The following SORCS1 variants were observed in gnomAD, a reference collection of about 807,000 sequenced individuals.
The protein encoded by SORCS1 is sortilin related VPS10 domain containing receptor 1.
Under a neutral mutation model 146.1 loss-of-function variants are expected in SORCS1, and 60 were observed. That is an observed-to-expected ratio of 0.41 (90% CI 0.33 to 0.51). SORCS1 has a LOEUF of 0.51. Ranked by LOEUF, SORCS1 falls within the 20% of genes least tolerant of loss-of-function variation. SORCS1 has a pLI of 0.21. For missense variants in SORCS1, 1,352 were observed against 1,487.6 expected (o/e 0.91, Z 1.50); for synonymous variants, 637 against 584.0 (o/e 1.09, Z -1.31).
At chr10:107,084,242 C>T (rs548780308) in intron 1 of SORCS1, among the ~76,000 whole-genome samples, 2 of 150,644 alleles carry the variant, frequency 1.3e-5, no homozygotes, top group African/African-American at 2.4e-5. Flanking sequence ...ACTATAGGTG[C>T]CCACCACCAT....
chr10:107,097,310 C>T (rs1241056871), intron 1 of SORCS1, among the ~76,000 whole-genome samples: 2 of 152,192 alleles, frequency 1.3e-5, no homozygotes, highest in Admixed American at 6.5e-5. Flanking sequence ...TTGTTGCATG[C>T]TTTTAAGCAA....
At position 106,631,939 on chromosome 10, in the gene SORCS1, T is replaced by C. The variant is rs192582515; in HGVS notation, c.2476-2551A>G. Among the ~76,000 whole-genome samples the C allele has an allele frequency of 3.4e-3, 520 of 152,296 alleles. 1 individual carries two copies. The highest frequency in any genetic ancestry group is 5.8e-3 in the Non-Finnish European group (395 of 68,016). ...TTTTGTTTCATGATAGGATTCTTCA[T>C]TGTCCATTCATGGAATGCTCTCTGT... On this transcript the variant is annotated intron_variant, in intron 18 of 25. Coordinates refer to ENST00000263054, the MANE Select transcript of SORCS1 (RefSeq NM_052918.5).
chr10:106,994,874 C>T lies in SORCS1; in HGVS notation c.559-38294G>A, dbSNP rs537711809. Among the ~76,000 whole-genome samples, 19 of 152,266 alleles carry T rather than the reference C, an allele frequency of 1.2e-4. 1 individual carries two copies. The highest frequency in any genetic ancestry group is 4.1e-4 in the African/African-American group (17 of 41,568). On this transcript the variant is annotated intron_variant, in intron 1 of 25. Coordinates refer to ENST00000263054, the MANE Select transcript of SORCS1 (RefSeq NM_052918.5). ...AGGCACCAAAATGTATTTTGCCCTT[C>T]CACCGTTTCTGCATAGAAAGCAAAG... is the stretch of plus-strand genomic sequence containing the variant.
At chr10:106,963,110 A>ATTTTTTTTTTTTTTTTTTTTTTTTTTTTT (rs749174613) in intron 1 of SORCS1, among the ~76,000 whole-genome samples, 1 of 76,296 alleles carries the variant, frequency 1.3e-5, no homozygotes, top group African/African-American at 4.6e-5. Context: ...AATGGCCAGA[A>ATTTTTTTTTTTTTTTTTTTTTTTTTTTTT]TTTTTTTTTT....
intron 19 of SORCS1, 33 bp downstream of exon 19, chr10:106,629,169 A>T (rs1368232918): frequency 6.3e-7 from 1 of 1,577,612 alleles, no homozygotes; most frequent in Non-Finnish European, 8.7e-7. Flanking sequence ...AATATTTAAG[A>T]TAGGTCATAA....
rs763407048 is a variant in SORCS1 at position 106,597,331 on chromosome 10, C to A, written c.3265+20G>T. 1 of 1,608,670 alleles carries A rather than the reference C, an allele frequency of 6.2e-7. No individual in the cohort carries two copies. Among genetic ancestry groups the A allele is most frequent in the South Asian group, 1.1e-5 (1 of 90,860 alleles). On this transcript the variant is annotated intron_variant, in intron 24 of 25. Coordinates refer to ENST00000263054, the MANE Select transcript of SORCS1 (RefSeq NM_052918.5). ...CTTTGCCAGAGCCACCAGCCAGAAC[C>A]CCGGGACATGGACACTGACCCGCTG...
intron 1 of SORCS1, among the ~76,000 whole-genome samples, chr10:107,113,121 A>C (rs544768434): frequency 1.1e-3 from 173 of 152,296 alleles, no homozygotes; most frequent in African/African-American, 4.1e-3. Flanking sequence ...AACAATTCTT[A>C]ACAAATTTGA....
Position 106,579,399 on chromosome 10 carries a change from A to G in SORCS1, c.3341T>C (p.Leu1114Pro). ...LMLLSVVFVG[L>P]AVFVIYKFKR... ...AAACTTGTAGATGACGAACACTGCC[A>G]GCCCCACAAACACCACTGAGAGCAG... is the stretch of plus-strand genomic sequence containing the variant. The change falls in exon 25 of 26, where the codon CTG becomes CCG. Residue 1114 changes from leucine (L) to proline (P), a missense_variant. Coordinates refer to ENST00000263054, the MANE Select transcript of SORCS1 (RefSeq NM_052918.5). 1.2e-6 allele frequency: 2 copies of G among 1,614,064 alleles called. No individual in the cohort carries two copies. Among genetic ancestry groups the G allele is most frequent in the Admixed American group, 1.7e-5 (1 of 59,996 alleles).
At chr10:106,836,034 A>T (rs1490704425) in intron 2 of SORCS1, among the ~76,000 whole-genome samples, 1 of 151,898 alleles carries the variant, frequency 6.6e-6, no homozygotes, top group Non-Finnish European at 1.5e-5. Context: ...AACAGACAAC[A>T]TCATAACAAC....
At chr10:106,949,745 G>C (rs971534893) in intron 2 of SORCS1, among the ~76,000 whole-genome samples, 12 of 152,150 alleles carry the variant, frequency 7.9e-5, no homozygotes, top group Admixed American at 2.0e-4. Context: ...CTACTTAGAA[G>C]CCTGCTTGTG....
chr10:106,782,892 C>G (rs1401388109), intron 3 of SORCS1, among the ~76,000 whole-genome samples: 1 of 152,188 alleles, frequency 6.6e-6, no homozygotes, highest in Admixed American at 6.5e-5. Flanking sequence ...AGAGCCATAA[C>G]CTAATCCTAA....
chr10:106,926,876 GA>G (rs1564818654), intron 2 of SORCS1, among the ~76,000 whole-genome samples: 1 of 134,148 alleles, frequency 7.5e-6, no homozygotes, highest in Non-Finnish European at 1.7e-5. Context: ...CAGAGAGAGA[GA>G]GAGAGAGAGA....
chr10:106,945,137 C>T (rs1954265614), intron 2 of SORCS1, among the ~76,000 whole-genome samples: 1 of 151,884 alleles, frequency 6.6e-6, no homozygotes, highest in Non-Finnish European at 1.5e-5. Flanking sequence ...ATCTACCTGC[C>T]TCGGCCTCCC....
intron 1 of SORCS1, among the ~76,000 whole-genome samples, chr10:107,084,102 T>G (rs1353557087): frequency 6.8e-5 from 10 of 147,970 alleles, no homozygotes; most frequent in South Asian, 2.2e-4. Flanking sequence ...GTTTTTTTTT[T>G]TTTTTTTTTT....
chr10:106,989,286 AAAAAAAAAAAAG>A (rs1564894399), intron 1 of SORCS1, among the ~76,000 whole-genome samples: 1 of 137,448 alleles, frequency 7.3e-6, no homozygotes, highest in African/African-American at 2.5e-5. Context: ...AAAAAAAAAA[AAAAAAAAAAAAG>A]AATACTCCAA....
At chr10:106,977,734 T>C (rs1351172594) in intron 1 of SORCS1, among the ~76,000 whole-genome samples, 2 of 152,182 alleles carry the variant, frequency 1.3e-5, no homozygotes, top group African/African-American at 4.8e-5. Flanking sequence ...AATATGCATC[T>C]TTTAAATATG....
chr10:106,577,375 T>C lies in SORCS1; in HGVS notation c.*45A>G. The C allele has an allele frequency of 6.2e-7, 1 of 1,613,170 alleles. No homozygotes were observed. The highest frequency in any genetic ancestry group is 8.5e-7 in the Non-Finnish European group (1 of 1,179,374). ...GATGATGTACTTGACAAGAGCGAAA[T>C]TCTTTCCTGATCAGCAGGTCGCCTG... On this transcript the variant is annotated 3_prime_UTR_variant, in exon 26 of 26. Transcript: ENST00000263054.
intron 1 of SORCS1, among the ~76,000 whole-genome samples, chr10:107,080,710 G>C (rs953810159): frequency 6.6e-6 from 1 of 152,096 alleles, no homozygotes; most frequent in African/African-American, 2.4e-5. Context: ...ATTTCAAAAA[G>C]CAATTTTTAA....
At chr10:107,085,530 C>A (rs1369974329) in intron 1 of SORCS1, among the ~76,000 whole-genome samples, 2 of 152,078 alleles carry the variant, frequency 1.3e-5, no homozygotes, top group African/African-American at 4.8e-5. Flanking sequence ...AATTTATTTA[C>A]CATCAAATAA....
Sources: gnomAD v4.1 joint callset for allele counts (sites outside exome capture counted in the v4.1 genomes callset) on GRCh38, gnomAD v4.1.1 for gene constraint, MANE v1.5 for transcripts, NCBI Gene and HGNC (gene_info 2026-07-23, HGNC 2026-07-21) for gene names.